The following ZFHX3 variants were observed in gnomAD, a reference collection of about 807,000 sequenced individuals.
The protein encoded by ZFHX3 is zinc finger homeobox protein 3.
A neutral mutation model predicts 279.1 loss-of-function variants in ZFHX3; 42 were observed. That is an observed-to-expected ratio of 0.15 (90% confidence interval 0.12 to 0.19). The LOEUF (loss-of-function observed/expected upper bound fraction) is 0.19, where lower values mean the gene tolerates loss of function less well. ZFHX3 is among the 10% of genes least tolerant of loss of function. ZFHX3 has a pLI of 1.00. For missense variants in ZFHX3, 4,981 were observed against 4,754.0 expected (o/e 1.05, Z -1.40); for synonymous variants, 2,293 against 1,957.8 (o/e 1.17, Z -4.52).
At chr16:72,836,532 G>T (rs951793602) in intron 4 of ZFHX3, among the ~76,000 whole-genome samples, 1 of 152,008 alleles carries the variant, frequency 6.6e-6, no homozygotes, top group African/African-American at 2.4e-5. Context: ...AATACAAATT[G>T]TTCTCATCAC....
At chr16:73,597,111 G>A (rs780511978) in intron 2 of ZFHX3, among the ~76,000 whole-genome samples, 2 of 152,120 alleles carry the variant, frequency 1.3e-5, no homozygotes, top group East Asian at 1.9e-4. Context: ...GTGCACCACC[G>A]ATTTGCACCT....
chr16:73,489,780 A>G (rs1283199169), intron 2 of ZFHX3, among the ~76,000 whole-genome samples: 1 of 152,244 alleles, frequency 6.6e-6, no homozygotes, highest in Non-Finnish European at 1.5e-5. Flanking sequence ...AGAATGCTTA[A>G]AACAATTTTT....
chr16:73,347,298 C>T (rs1344004660), intron 3 of ZFHX3, among the ~76,000 whole-genome samples: 1 of 152,234 alleles, frequency 6.6e-6, no homozygotes, highest in Non-Finnish European at 1.5e-5. Context: ...GCTACCTTTT[C>T]TTAGCTCCAT....
At chr16:73,517,109 A>C (rs2019536147) in intron 2 of ZFHX3, among the ~76,000 whole-genome samples, 1 of 152,164 alleles carries the variant, frequency 6.6e-6, no homozygotes, top group South Asian at 2.1e-4. Flanking sequence ...GTTTTCCTTC[A>C]GTCTCGCTTT....
intron 1 of ZFHX3, among the ~76,000 whole-genome samples, chr16:72,990,284 C>T (rs1228590429): frequency 6.6e-6 from 1 of 152,174 alleles, no homozygotes; most frequent in Non-Finnish European, 1.5e-5. Context: ...CAGGTCCTGG[C>T]CTGTAAATGC....
intron 1 of ZFHX3, among the ~76,000 whole-genome samples, chr16:73,875,113 T>C (rs2029907730): frequency 6.6e-6 from 1 of 152,218 alleles, no homozygotes; most frequent in Non-Finnish European, 1.5e-5. Context: ...AAAATGTTAA[T>C]AATAAATCTA....
intron 7 of ZFHX3, among the ~76,000 whole-genome samples, chr16:73,105,864 G>A (rs1353264544): frequency 6.6e-6 from 1 of 151,878 alleles, no homozygotes; most frequent in Non-Finnish European, 1.5e-5. Context: ...CATCATGATC[G>A]AGATTCCTTT....
At chr16:72,947,710 T>G (rs1960766331) in intron 3 of ZFHX3, among the ~76,000 whole-genome samples, 2 of 149,954 alleles carry the variant, frequency 1.3e-5, no homozygotes. Flanking sequence ...CGGGACAGGG[T>G]GGGGTGGGGA....
chr16:72,892,775 C>G (rs1233235861), intron 3 of ZFHX3, among the ~76,000 whole-genome samples: 3 of 152,162 alleles, frequency 2.0e-5, no homozygotes, highest in Admixed American at 6.5e-5. Flanking sequence ...CCTAAAGTAG[C>G]TGGGATTATA....
intron 1 of ZFHX3, among the ~76,000 whole-genome samples, chr16:73,802,766 ATATAT>A (rs1016821058): frequency 2.0e-5 from 3 of 152,188 alleles, no homozygotes; most frequent in Admixed American, 1.3e-4. Context: ...ATAAGCAGGT[ATATAT>A]TATATTTTAT....
intron 2 of ZFHX3, among the ~76,000 whole-genome samples, chr16:73,579,242 C>T (rs77583044): frequency 0.016 from 2,476 of 152,216 alleles, 80 homozygotes; most frequent in African/African-American, 0.055. Flanking sequence ...CCTGCCTTTC[C>T]AGACCTAACC....
intron 2 of ZFHX3, among the ~76,000 whole-genome samples, chr16:73,556,770 G>C (rs926377618): frequency 1.3e-5 from 2 of 152,044 alleles, no homozygotes; most frequent in Admixed American, 6.6e-5. Context: ...CTCCACTAGA[G>C]GATGTGGTTT....
At chr16:73,202,996 C>T (rs1420740486) in intron 5 of ZFHX3, among the ~76,000 whole-genome samples, 1 of 147,156 alleles carries the variant, frequency 6.8e-6, no homozygotes, top group African/African-American at 2.5e-5. Flanking sequence ...TCTTGATCTT[C>T]CCAGCCTAGT....
At chr16:72,816,780 C>T (rs2036619561) in intron 5 of ZFHX3, among the ~76,000 whole-genome samples, 1 of 152,200 alleles carries the variant, frequency 6.6e-6, no homozygotes, top group African/African-American at 2.4e-5. Context: ...CTCTTAGGCT[C>T]CTCTGCATTC....
rs115228676 is a variant in ZFHX3 at position 73,423,172 on chromosome 16, G to T, written c.-1291+32831C>A. Among the ~76,000 whole-genome samples the T allele has an allele frequency of 6.8e-3, 1,031 of 152,200 alleles. 16 individuals are homozygous for T. Among genetic ancestry groups the T allele is most frequent in the African/African-American group, 0.024 (979 of 41,512 alleles). Reference sequence around the variant, plus strand: ...GGACTTCAACATATGATTTTTTGCAGGGGCTGGGGAGGGACAAAATTCATC... The same window carrying T: ...GGACTTCAACATATGATTTTTTGCATGGGCTGGGGAGGGACAAAATTCATC... On this transcript the variant is annotated intron_variant, in intron 3 of 17. Coordinates refer to the ZFHX3 transcript ENST00000641206.
rs181874816 is a variant in ZFHX3, at chr16:73,470,022, G to C, written c.-1546-13764C>G. On this transcript the variant is annotated intron_variant, in intron 2 of 17. Transcript: ENST00000641206. ...GAAAAGCTGGAGAATCACTGCTCCA[G>C]AATGATAGTCTTCCAACTCTAATGT... 1.5e-3 allele frequency among the ~76,000 whole-genome samples: 230 copies of C among 152,284 alleles called. 3 individuals are homozygous for C. The highest frequency in any genetic ancestry group is 5.1e-3 in the African/African-American group (212 of 41,560).
chr16:73,492,020 C>T (rs1272135406), intron 2 of ZFHX3, among the ~76,000 whole-genome samples: 1 of 152,206 alleles, frequency 6.6e-6, no homozygotes, highest in Non-Finnish European at 1.5e-5. Context: ...CATATTCTTG[C>T]TTCCTTGGTC....
chr16:73,024,131 T>TAA (rs1340172581), intron 1 of ZFHX3, among the ~76,000 whole-genome samples: 1 of 152,244 alleles, frequency 6.6e-6, no homozygotes, highest in Admixed American at 6.5e-5. Context: ...GGAGACAAGG[T>TAA]AAAGTCCACA....
At chr16:73,161,351 T>C (rs1967230860) in intron 5 of ZFHX3, among the ~76,000 whole-genome samples, 1 of 152,194 alleles carries the variant, frequency 6.6e-6, no homozygotes, top group South Asian at 2.1e-4. Context: ...ATCATGGAGC[T>C]GCTTTGCTCT....
Sources: gnomAD v4.1 joint callset for allele counts (sites outside exome capture counted in the v4.1 genomes callset) on GRCh38, gnomAD v4.1.1 for gene constraint, MANE v1.5 for transcripts, NCBI Gene and HGNC (gene_info 2026-07-23, HGNC 2026-07-21) for gene names.